Variants in DGCR2 observed in about 807,000 individuals in gnomAD.
DGCR2 encodes DiGeorge syndrome critical region gene 2.
In DGCR2, 24 loss-of-function variants were observed where a neutral mutation model predicts 51.6. The observed-to-expected ratio is 0.47, with a 90% CI of 0.34 to 0.65. The LOEUF is 0.65. Ranked by LOEUF, DGCR2 falls within the 30% of genes least tolerant of loss-of-function variation. The pLI, the probability that DGCR2 is intolerant of heterozygous loss-of-function variation, is 0.01. For synonymous variants in DGCR2, 340 were observed against 315.4 expected (o/e 1.08, Z -0.82); for missense variants, 765 against 772.1 (o/e 0.99, Z 0.11).
chr22:19,059,124 G>A (rs537444406), intron 5 of DGCR2, among the ~76,000 whole-genome samples: 1 of 152,230 alleles, frequency 6.6e-6, no homozygotes, highest in Non-Finnish European at 1.5e-5. Context: ...GGTAGGTGAT[G>A]AGGGTAGTGA....
At chr22:19,045,938 T>C (rs1411449966) in intron 7 of DGCR2, among the ~76,000 whole-genome samples, 3 of 152,110 alleles carry the variant, frequency 2.0e-5, no homozygotes, top group Non-Finnish European at 4.4e-5. Context: ...ATGTTGGCCA[T>C]ACTGGTCACA....
chr22:19,122,345 G>C lies in DGCR2; in HGVS notation c.-139C>G. On this transcript the variant is annotated 5_prime_UTR_variant, in exon 1 of 10. Coordinates refer to ENST00000263196, the MANE Select transcript of DGCR2 (RefSeq NM_005137.3). ...GGAGAGGCGGCGGGAAAGAGCTTCG[G>C]CTGGGCCGCGGGCTGGCGCACACTC... The C allele has an allele frequency of 1.6e-6, 1 of 629,798 alleles. No individual in the cohort carries two copies. Among genetic ancestry groups the C allele is most frequent in the African/African-American group, 1.9e-5 (1 of 51,406 alleles). The allele number at this position is 629,798 out of a possible 1,614,324, so 39.0% of individuals were successfully genotyped here.
intron 1 of DGCR2, among the ~76,000 whole-genome samples, chr22:19,093,698 T>A (rs1408799729): frequency 6.6e-6 from 1 of 152,160 alleles, no homozygotes; most frequent in Non-Finnish European, 1.5e-5. Flanking sequence ...AACAACCCAA[T>A]TTTTTAAATG....
At chr22:19,113,098 A>G (rs1047666013) in intron 1 of DGCR2, among the ~76,000 whole-genome samples, 1 of 151,850 alleles carries the variant, frequency 6.6e-6, no homozygotes, top group Non-Finnish European at 1.5e-5. Context: ...TGGGCCAGGC[A>G]CAGTGGCTCA....
Position 19,057,296 on chromosome 22 carries a change from T to A in DGCR2, c.626-134A>T. ...GACCGCCAAGTACTGGTGGTCACTG[T>A]GGCCAGGTGTTCACTCGGGACTCCC... On this transcript the variant is annotated intron_variant, in intron 5 of 9. Transcript: ENST00000263196. This position sits in a 1 kb window ranked among gnomAD's most constrained non-coding sequence, Gnocchi z 5.1. 1 of 1,023,894 alleles carries A rather than the reference T, an allele frequency of 9.8e-7. No individual in the cohort carries two copies. Among genetic ancestry groups the A allele is most frequent in the Non-Finnish European group, 1.4e-6 (1 of 725,350 alleles). The allele number at this position is 1,023,894 out of a possible 1,614,324, so 63.4% of individuals were successfully genotyped here.
chr22:19,122,139 G>T lies in DGCR2; in HGVS notation c.68C>A (p.Pro23Gln), dbSNP rs779213177. ...LFLLVLTVTE[P>Q]LRPELRCNPG... is the part of the protein sequence containing the mutation. ...ATCGCGCGGCGCACCTGGCCGCAGC[G>T]GCTCGGTGACAGTGAGCACGAGCAG... Residue 23 changes from proline (P) to glutamine (Q), a missense_variant, in exon 1 of 10, where the codon CCG (proline) becomes CAG (glutamine). Pro to Gln is a moderately conservative substitution (Grantham distance 76, BLOSUM62 -1). This residue lies in a region of DGCR2 where 370 missense variants were observed against 325.5 expected (regional missense o/e 1.14). Transcript: ENST00000263196. 6.7e-7 allele frequency: 1 copy of T among 1,497,970 alleles called. No homozygotes were observed. Among genetic ancestry groups the T allele is most frequent in the South Asian group, 1.3e-5 (1 of 79,276 alleles). The allele number at this position is 1,497,970 out of a possible 1,614,324, so 92.8% of individuals were successfully genotyped here. A position where few individuals can be genotyped will look rare whatever the true frequency, so the allele number is the denominator to read the frequency against.
In DGCR2 at chr22:19,100,527, G is replaced by C. The variant is rs145248676; in HGVS notation, c.80-11037C>G. ...AAAAACACAAAAAAATTAGCCGGAC[G>C]TGGTGGTGGGTGCCTGTGGTCCCAG... On this transcript the variant is annotated intron_variant, in intron 1 of 9. Transcript: ENST00000263196. 2.7e-3 allele frequency among the ~76,000 whole-genome samples: 412 copies of C among 152,166 alleles called. 3 individuals are homozygous for C. The highest frequency in any genetic ancestry group is 9.0e-3 in the African/African-American group (373 of 41,512).
At position 19,122,381 on chromosome 22, in the gene DGCR2, C is replaced by A. The variant is rs1471494637; in HGVS notation, c.-175G>T. ...GGCTGGCGCACACTCTCGGCTGCAA[C>A]CTCAGGCACCGACTCCAGCTGCGCG... On this transcript the variant is annotated 5_prime_UTR_variant, in exon 1 of 10. Transcript: ENST00000263196. 2 of 469,088 alleles carry A rather than the reference C, an allele frequency of 4.3e-6. No homozygotes were observed. Among genetic ancestry groups the A allele is most frequent in the African/African-American group, 2.1e-5 (1 of 48,410 alleles). The allele number at this position is 469,088 out of a possible 1,614,324, so 29.1% of individuals were successfully genotyped here.
chr22:19,046,566 A>T (rs715539), intron 7 of DGCR2: 27,393 of 169,652 alleles, frequency 0.16, 2,498 homozygotes, highest in South Asian at 0.27. Flanking sequence ...GGGTGGCAAG[A>T]GTAGACACTC....
At chr22:19,071,572 AAT>A (rs1458525890) in intron 2 of DGCR2, among the ~76,000 whole-genome samples, 2 of 152,242 alleles carry the variant, frequency 1.3e-5, no homozygotes, top group Non-Finnish European at 2.9e-5. Flanking sequence ...GGACTCTTCA[AAT>A]ATGGCAATGT....
chr22:19,062,775 G>GCTCTCTCTCTCTCT (rs1491258740), intron 5 of DGCR2, among the ~76,000 whole-genome samples: 14 of 108,850 alleles, frequency 1.3e-4, no homozygotes, highest in Admixed American at 1.9e-4. Flanking sequence ...ACACATGCAT[G>GCTCTCTCTCTCTCT]CTCACTCTCT....
Position 19,038,878 on chromosome 22 carries a change from T to C in DGCR2, c.1640A>G (p.Asn547Ser), listed in dbSNP as rs754526539. The C allele has an allele frequency of 7.4e-6, 12 of 1,612,800 alleles. No homozygotes were observed. The highest frequency in any genetic ancestry group is 2.2e-5 in the East Asian group (1 of 44,890). The change falls in exon 10 of 10, where the codon AAT becomes AGT. Residue 547 changes from asparagine to serine, a missense_variant. By Grantham distance (46) the Asn-to-Ser change is conservative (BLOSUM62 1). Coordinates refer to ENST00000263196, the MANE Select transcript of DGCR2 (RefSeq NM_005137.3). Reference protein sequence around the residue: ...GGGRHSRSSLNTVV With the variant: ...GGGRHSRSSLSTVV ...AGGCCAGGCCGTCTACACCACAGTA[T>C]TGAGGGAGCTGCGGCTGTGGCGGCC... is the stretch of plus-strand genomic sequence containing the variant.
At chr22:19,074,204 C>T (rs1243252492) in intron 2 of DGCR2, among the ~76,000 whole-genome samples, 2 of 152,132 alleles carry the variant, frequency 1.3e-5, no homozygotes, top group Middle Eastern at 3.4e-3. Context: ...GGCAGGCGAT[C>T]GCTTAAGGTC....
At chr22:19,066,322 G>A (rs1274621433) in intron 3 of DGCR2, among the ~76,000 whole-genome samples, 2 of 151,982 alleles carry the variant, frequency 1.3e-5, no homozygotes, top group East Asian at 3.9e-4. Context: ...GATCACTTGA[G>A]CTCAAAAAGG....
At chr22:19,108,981 C>CAAT (rs2083287844) in intron 1 of DGCR2, among the ~76,000 whole-genome samples, 1 of 151,882 alleles carries the variant, frequency 6.6e-6, no homozygotes, top group East Asian at 1.9e-4. Flanking sequence ...CAGGGAGTTA[C>CAAT]GATTACACCA....
intron 5 of DGCR2, among the ~76,000 whole-genome samples, chr22:19,062,774 TGCTCACTCTCTCTCTCTCTC>T (rs1269938187): frequency 3.5e-5 from 4 of 113,872 alleles, no homozygotes; most frequent in Non-Finnish European, 7.6e-5. Context: ...CACACATGCA[TGCTCACTCTCTCTCTCTCTC>T]TCTCTCTCTC....
intron 7 of DGCR2, 143 bp from the exon 8 acceptor site, chr22:19,042,102 A>G (rs998533235): frequency 2.0e-6 from 2 of 994,740 alleles, no homozygotes; most frequent in African/African-American, 1.6e-5. Flanking sequence ...TTTAGGATAC[A>G]TGTGAAATAA....
intron 3 of DGCR2, chr22:19,065,331 G>T (rs998632486): frequency 2.1e-6 from 1 of 486,058 alleles, no homozygotes; most frequent in Non-Finnish European, 3.7e-6. Context: ...AGTCAAGAAC[G>T]GCTGCTGAAT....
rs2082515652 is a variant in DGCR2 at position 19,048,571 on chromosome 22, G to A, written c.875C>T (p.Pro292Leu). ...TCCATGGCAGGTGCAGCTCAGGCAT[G>A]GGTCGTCCCCCTTAGGGGTGAAGTA... is the stretch of plus-strand genomic sequence containing the variant. Reference protein sequence around the residue: ...GFYFTPKGDDPCLSCTCHGGE... With the variant: ...GFYFTPKGDDLCLSCTCHGGE... Residue 292 changes from proline (P) to leucine (L), a missense_variant, in exon 7 of 10, where the codon CCA becomes CTA. Pro to Leu is a moderately conservative substitution (Grantham distance 98). Transcript: ENST00000263196. 13 of 1,614,244 alleles carry A rather than the reference G, an allele frequency of 8.1e-6. No individual in the cohort carries two copies. Among genetic ancestry groups the A allele is most frequent in the Non-Finnish European group, 9.3e-6 (11 of 1,180,040 alleles).
Sources: gnomAD v4.1 joint callset for allele counts (sites outside exome capture counted in the v4.1 genomes callset) on GRCh38, gnomAD v4.1.1 for gene constraint, gnomAD v4.1.1 regional missense constraint, Gnocchi (gnomAD v3.1) non-coding constraint, MANE v1.5 for transcripts, NCBI Gene and HGNC (gene_info 2026-07-23, HGNC 2026-07-21) for gene names.